Variants in CXXC4 observed in about 807,000 individuals in gnomAD.
CXXC4 encodes the protein CXXC-type zinc finger protein 4.
CXXC4 carries 5 observed loss-of-function variants against 20.5 expected under a neutral mutation model. That is an observed-to-expected ratio of 0.24 (90% confidence interval 0.13 to 0.51). The LOEUF is 0.51. CXXC4 is among the 20% of genes least tolerant of loss of function. The pLI is 0.97. For missense variants in CXXC4, 419 were observed against 496.4 expected (o/e 0.84, Z 1.48); for synonymous variants, 250 against 216.4 (o/e 1.16, Z -1.36).
At position 104,491,520 on chromosome 4, in the gene CXXC4, C is replaced by T. The variant is rs1412813295; in HGVS notation, c.283G>A (p.Ala95Thr). ...ATGGCGGTGGCGGCGGCGGCGGTGG[C>T]CGCGTTGTCGCAGTTCCAGGGGGAC... ...GMSPWNCDNA[A>T]TAAAATAMLW... The change falls in exon 2 of 3, where the codon GCC (alanine) becomes ACC (threonine). Residue 95 changes from alanine to threonine, a missense_variant. This residue lies in a region of CXXC4 where 388 missense variants were observed against 416.0 expected (regional missense o/e 0.93). Transcript: ENST00000394767. The T allele has an allele frequency of 5.4e-6, 7 of 1,288,302 alleles. No homozygotes were observed. Among genetic ancestry groups the T allele is most frequent in the East Asian group, 3.3e-5 (1 of 30,452 alleles). The allele number at this position is 1,288,302 out of a possible 1,614,324, so 79.8% of individuals were successfully genotyped here.
intron 2 of CXXC4, among the ~76,000 whole-genome samples, chr4:104,476,723 C>A (rs1432349619): frequency 6.6e-6 from 1 of 152,084 alleles, no homozygotes; most frequent in Non-Finnish European, 1.5e-5. Context: ...CAGTGACTCA[C>A]CTAGGCCTTC....
intron 2 of CXXC4, among the ~76,000 whole-genome samples, chr4:104,475,893 T>A (rs1157526406): frequency 6.6e-6 from 1 of 152,120 alleles, no homozygotes; most frequent in African/African-American, 2.4e-5. Flanking sequence ...TAAGGCAGCC[T>A]TCACTGTTCA....
At position 104,491,882 on chromosome 4, in the gene CXXC4, TG is replaced by T; in HGVS notation, c.-81del. On this transcript the variant is annotated 5_prime_UTR_variant, in exon 2 of 3. Transcript: ENST00000394767. ...CACCTGGGTGGAAAAGGGGGAAAGG[TG>T]GGGGGGAGGGAAGGGAGTGATGGTG... is the stretch of plus-strand genomic sequence containing the variant. 7.9e-5 allele frequency: 3 copies of T among 37,920 alleles called. No homozygotes were observed. Among genetic ancestry groups the T allele is most frequent in the South Asian group, 1.0e-3 (1 of 968 alleles). 2.3% of individuals were successfully genotyped at this position (37,920 alleles called of 1,614,324 possible).
chr4:104,469,962 C>T lies in CXXC4; in HGVS notation c.*2360G>A, dbSNP rs1736220537. 1 of 151,820 alleles carries T rather than the reference C, an allele frequency of 6.6e-6. No homozygotes were observed. The highest frequency in any genetic ancestry group is 2.4e-5 in the African/African-American group (1 of 41,346). 9.4% of individuals were successfully genotyped at this position (151,820 alleles called of 1,614,324 possible). On this transcript the variant is annotated 3_prime_UTR_variant, in exon 3 of 3. Coordinates refer to ENST00000394767, the MANE Select transcript of CXXC4 (RefSeq NM_025212.4). ...ATGCACTACTAGAATGTATTTTAGA[C>T]TCTCAGTATACTTCTATGAGATCTT...
At chr4:104,473,761 C>T (rs1164417619) in intron 2 of CXXC4, among the ~76,000 whole-genome samples, 1 of 144,222 alleles carries the variant, frequency 6.9e-6, no homozygotes, top group Admixed American at 6.9e-5. Flanking sequence ...CATACATACA[C>T]ACACATTACT....
rs1182302256 is a variant in CXXC4, at chr4:104,470,288, G to A, written c.*2034C>T. On this transcript the variant is annotated 3_prime_UTR_variant, in exon 3 of 3. Transcript: ENST00000394767. Reference sequence around the variant, plus strand: ...AGAAAGCTATCTCAAAATTAATACAGTATACAGCACATTTTAGCTTGTAAT... The same window carrying A: ...AGAAAGCTATCTCAAAATTAATACAATATACAGCACATTTTAGCTTGTAAT... 3.3e-5 allele frequency: 5 copies of A among 151,564 alleles called. No homozygotes were observed. The highest frequency in any genetic ancestry group is 5.9e-5 in the Non-Finnish European group (4 of 67,916). 9.4% of individuals were successfully genotyped at this position (151,564 alleles called of 1,614,324 possible).
intron 2 of CXXC4, among the ~76,000 whole-genome samples, chr4:104,480,105 T>C (rs1411953297): frequency 6.6e-6 from 1 of 152,142 alleles, no homozygotes; most frequent in Non-Finnish European, 1.5e-5. Context: ...TTTGTTCTTG[T>C]CTAGAACAAA....
At chr4:104,483,447 A>G (rs1736605437) in intron 2 of CXXC4, among the ~76,000 whole-genome samples, 1 of 151,890 alleles carries the variant, frequency 6.6e-6, no homozygotes, top group Non-Finnish European at 1.5e-5. Context: ...GAAAAACACC[A>G]GCTATTCCGA....
At chr4:104,488,060 A>G (rs759321359) in intron 2 of CXXC4, among the ~76,000 whole-genome samples, 1 of 152,184 alleles carries the variant, frequency 6.6e-6, no homozygotes, top group Non-Finnish European at 1.5e-5. Flanking sequence ...TGAGTCTTGA[A>G]GTGATAAAGA....
At chr4:104,484,630 G>A (rs960630025) in intron 2 of CXXC4, among the ~76,000 whole-genome samples, 38 of 152,006 alleles carry the variant, frequency 2.5e-4, no homozygotes, top group African/African-American at 8.7e-4. Context: ...GGATTCTTAC[G>A]CTCTTAAAAT....
At chr4:104,484,044 C>T (rs927707988) in intron 2 of CXXC4, among the ~76,000 whole-genome samples, 1 of 151,942 alleles carries the variant, frequency 6.6e-6, no homozygotes, top group African/African-American at 2.4e-5. Context: ...TATTCAAAAA[C>T]CACATACCAC....
chr4:104,490,324 C>G (rs1736811280), intron 2 of CXXC4, among the ~76,000 whole-genome samples: 1 of 152,234 alleles, frequency 6.6e-6, no homozygotes, highest in South Asian at 2.1e-4. Context: ...AAACTGTGTC[C>G]TCACTGTTAT....
At position 104,491,860 on chromosome 4, in the gene CXXC4, CTG is replaced by C; in HGVS notation, c.-60_-59del. 1 of 923,534 alleles carries C rather than the reference CTG, an allele frequency of 1.1e-6. No individual in the cohort carries two copies. The highest frequency in any genetic ancestry group is 5.3e-5 in the South Asian group (1 of 18,842). The allele number at this position is 923,534 out of a possible 1,614,324, so 57.2% of individuals were successfully genotyped here. A position where few individuals can be genotyped will look rare whatever the true frequency, so the allele number is the denominator to read the frequency against. ...AAGTGGGGACCGCCTGGTCCGACAC[CTG>C]GGTGGAAAAGGGGGAAAGGTGGGGG... On this transcript the variant is annotated 5_prime_UTR_variant, in exon 2 of 3. Coordinates refer to ENST00000394767, the MANE Select transcript of CXXC4 (RefSeq NM_025212.4).
At chr4:104,490,660 G>C (rs1736821449) in intron 2 of CXXC4, 84 bp downstream of exon 2, 1 of 1,266,916 alleles carries the variant, frequency 7.9e-7, no homozygotes, top group African/African-American at 1.5e-5. Flanking sequence ...ACTGCATCTT[G>C]AAGCCAGACA....
At chr4:104,472,949 C>T (rs942065831) in intron 2 of CXXC4, among the ~76,000 whole-genome samples, 10 of 151,838 alleles carry the variant, frequency 6.6e-5, no homozygotes, top group Non-Finnish European at 1.0e-4. Context: ...GCATTCTATG[C>T]GGTTAAAATG....
chr4:104,474,830 T>C (rs971492138), intron 2 of CXXC4, among the ~76,000 whole-genome samples: 1 of 152,116 alleles, frequency 6.6e-6, no homozygotes, highest in Non-Finnish European at 1.5e-5. Flanking sequence ...TGGAGTACAT[T>C]TTTTAAATGA....
intron 2 of CXXC4, among the ~76,000 whole-genome samples, chr4:104,490,536 C>G (rs566221118): frequency 4.6e-5 from 7 of 152,224 alleles, no homozygotes; most frequent in Non-Finnish European, 1.0e-4. Flanking sequence ...GGCACTCTCT[C>G]TATCAGAAGG....
At chr4:104,478,635 T>C (rs1442611854) in intron 2 of CXXC4, among the ~76,000 whole-genome samples, 1 of 152,158 alleles carries the variant, frequency 6.6e-6, no homozygotes, top group Non-Finnish European at 1.5e-5. Context: ...ATTTAGTGTA[T>C]TATAAGTGGG....
At chr4:104,476,717 G>T (rs1736417101) in intron 2 of CXXC4, among the ~76,000 whole-genome samples, 1 of 152,000 alleles carries the variant, frequency 6.6e-6, no homozygotes, top group African/African-American at 2.4e-5. Context: ...AAATTTCAGT[G>T]ACTCACCTAG....
Sources: gnomAD v4.1 joint callset for allele counts (sites outside exome capture counted in the v4.1 genomes callset) on GRCh38, gnomAD v4.1.1 for gene constraint, gnomAD v4.1.1 regional missense constraint, MANE v1.5 for transcripts, NCBI Gene and HGNC (gene_info 2026-07-23, HGNC 2026-07-21) for gene names.